Variants in METTL26 observed in about 807,000 individuals in gnomAD.
METTL26 encodes methyltransferase-like 26.
Under a neutral mutation model 24.7 loss-of-function variants are expected in METTL26, and 28 were observed. The observed-to-expected ratio is 1.13, with a 90% confidence interval of 0.84 to 1.55. The LOEUF is 1.55. Among genes scored for constraint, METTL26 ranks in the 40% most tolerant of loss-of-function variants. METTL26 has a pLI of 0.00. For synonymous variants in METTL26, 165 were observed against 125.2 expected (o/e 1.32, Z -2.12); for missense variants, 344 against 281.2 (o/e 1.22, Z -1.60).
Position 634,736 on chromosome 16 carries a change from G to A in METTL26, c.550C>T (p.Leu184=), listed in dbSNP as rs2037038894. Residue 184 remains leucine, a synonymous_variant, in exon 5 of 6, where the codon CTG becomes TTG. Coordinates refer to ENST00000301686, the MANE Select transcript of METTL26 (RefSeq NM_032366.5). The stretch of plus-strand genomic sequence containing the variant: ...CCACCTACCATCCTCTCCAGGAGCA[G>A]GCCACTGGCCTTTCCCAGGTCCTCC... ...LLEDLGKASG[L]LLERMVDMPA... 5 of 1,612,818 alleles carry A rather than the reference G, an allele frequency of 3.1e-6. No individual in the cohort carries two copies. Among genetic ancestry groups the A allele is most frequent in the Non-Finnish European group, 3.4e-6 (4 of 1,179,924 alleles).
At position 635,262 on chromosome 16, in the gene METTL26, C is replaced by T. The variant is rs766413878; in HGVS notation, c.420+19G>A. ...CTAGGACTGGGAGCGGGAGGCCCGC[C>T]GTGGACAGGCCCACTCACCCCGTAG... On this transcript the variant is annotated intron_variant, in intron 3 of 5. Coordinates refer to ENST00000301686, the MANE Select transcript of METTL26 (RefSeq NM_032366.5). 2.3e-5 allele frequency: 36 copies of T among 1,564,016 alleles called. No homozygotes were observed. The South Asian group carries it at 2.3e-4, about 10-fold the overall frequency.
At position 636,104 on chromosome 16, in the gene METTL26, A is replaced by G. The variant is rs1315436648; in HGVS notation, c.187T>C (p.Cys63Arg). 7.1e-7 allele frequency: 1 copy of G among 1,403,640 alleles called. No homozygotes were observed. The highest frequency in any genetic ancestry group is 2.9e-5 in the East Asian group (1 of 35,068). The allele number at this position is 1,403,640 out of a possible 1,614,324, so 86.9% of individuals were successfully genotyped here. A position where few individuals can be genotyped will look rare whatever the true frequency, so the allele number is the denominator to read the frequency against. ...EWQPSDVDQR[C>R]LDSIAATTQA... ...CCCCGGGGGCCGCACCTGTCCAGGC[A>G]GCGCTGGTCCACGTCCGACGGCTGC... Residue 63 changes from cysteine to arginine, a missense_variant, in exon 1 of 6, where the codon TGC (cysteine) becomes CGC (arginine). Cys to Arg is a radical substitution (Grantham distance 180). Coordinates refer to ENST00000301686, the MANE Select transcript of METTL26 (RefSeq NM_032366.5).
rs1260287110 is a variant in METTL26 at position 634,714 on chromosome 16, C to T, written c.567+5G>A. On this transcript the variant is annotated splice_donor_5th_base_variant and intron_variant, in intron 5 of 5. Coordinates refer to ENST00000301686, the MANE Select transcript of METTL26 (RefSeq NM_032366.5). ...GGTTGCCTGGGCCCCCGCTCCCCCA[C>T]CTACCATCCTCTCCAGGAGCAGGCC... The T allele has an allele frequency of 4.3e-6, 7 of 1,612,796 alleles. No individual in the cohort carries two copies. The highest frequency in any genetic ancestry group is 2.2e-5 in the East Asian group (1 of 44,902).
At chr16:635,119 G>T in intron 3 of METTL26, 162 bp downstream of exon 3, 1 of 1,490,814 alleles carries the variant, frequency 6.7e-7, no homozygotes, top group Non-Finnish European at 8.9e-7. Context: ...GGGTAGGGAG[G>T]CTGGCAGATG....
rs1019530844 is a variant in METTL26 at position 636,228 on chromosome 16, G to C, written c.63C>G (p.Tyr21Ter). ...KDPILHVLRQYLDPAQRGVRV... is the reference protein window; with the variant it reads ...KDPILHVLRQ Reference sequence around the variant, plus strand: ...GGACGCCACGCTGGGCCGGATCCAGGTACTGCCGCAGCACGTGCAAGATGG... The same window carrying C: ...GGACGCCACGCTGGGCCGGATCCAGCTACTGCCGCAGCACGTGCAAGATGG... The change falls in exon 1 of 6, where the codon TAC becomes TAG. Residue 21 changes from tyrosine (Y) to a stop codon, truncating the protein, a stop_gained. Coordinates refer to ENST00000301686, the MANE Select transcript of METTL26 (RefSeq NM_032366.5). LOFTEE classifies it high-confidence loss of function. 39 of 1,492,264 alleles carry C rather than the reference G, an allele frequency of 2.6e-5. No individual in the cohort carries two copies. Among genetic ancestry groups the C allele is most frequent in the Non-Finnish European group, 3.4e-5 (38 of 1,127,326 alleles). 92.4% of individuals were successfully genotyped at this position (1,492,264 alleles called of 1,614,324 possible).
Position 634,807 on chromosome 16 carries a change from G to A in METTL26, c.489-10C>T, listed in dbSNP as rs200345361. On this transcript the variant is annotated splice_polypyrimidine_tract_variant and intron_variant, in intron 4 of 5. Coordinates refer to ENST00000301686, the MANE Select transcript of METTL26 (RefSeq NM_032366.5). ...CCCCCATTCTGGGTTCCTGCAGAGG[G>A]TGGGGAGATGGAGTCATGGCCTGGG... 315 of 1,605,948 alleles carry A rather than the reference G, an allele frequency of 2.0e-4. 1 individual carries two copies. In the African/African-American group the frequency reaches 3.9e-3, roughly 20 times the overall value.
chr16:635,699 C>A lies in METTL26; in HGVS notation c.273G>T (p.Trp91Cys). The A allele has an allele frequency of 6.4e-7, 1 of 1,564,102 alleles. No homozygotes were observed. The highest frequency in any genetic ancestry group is 1.2e-5 in the South Asian group (1 of 85,022). ...APLHLDVTWG[W>C]EHWGGILPQS... Reference sequence around the variant, plus strand: ...GTGGCAGGATCCCGCCCCAGTGCTCCCAGCCCCACGTCACGTCCAGGTGTA... The same window carrying A: ...GTGGCAGGATCCCGCCCCAGTGCTCACAGCCCCACGTCACGTCCAGGTGTA... The change falls in exon 2 of 6, where the codon TGG becomes TGT. Residue 91 changes from tryptophan to cysteine, a missense_variant. By Grantham distance (215) the Trp-to-Cys change is radical. Transcript: ENST00000301686.
At chr16:634,854 C>A in intron 4 of METTL26, 35 bp downstream of exon 4, 1 of 1,570,902 alleles carries the variant, frequency 6.4e-7, no homozygotes, top group Admixed American at 1.8e-5. Context: ...AAGCCACCTG[C>A]CACCTGAGCC....
intron 4 of METTL26, 46 bp from the exon 5 acceptor site, chr16:634,843 C>CAAGCCACCTGCCACCT: frequency 3.2e-6 from 5 of 1,581,310 alleles, no homozygotes; most frequent in Non-Finnish European, 4.3e-6. Flanking sequence ...GGGTGCCACC[C>CAAGCCACCTGCCACCT]AAGCCACCTG....
chr16:635,856 G>A, intron 1 of METTL26, 82 bp from the exon 2 acceptor site: 1 of 1,454,920 alleles, frequency 6.9e-7, no homozygotes. Flanking sequence ...CTTAGGGGAG[G>A]CTGGGGGGCA....
At chr16:635,215 T>C (rs1176354692) in intron 3 of METTL26, 66 bp downstream of exon 3, 3 of 1,508,908 alleles carry the variant, frequency 2.0e-6, no homozygotes. Flanking sequence ...GGGAGGACTC[T>C]CAGCAGGGCA....
At position 635,786 on chromosome 16, in the gene METTL26, G is replaced by C. The variant is rs764599731; in HGVS notation, c.198-12C>G. ...TGGTGGCCGCGATGCTGCAGGAGGCGAACGCTTGGGTGGGGGCCGAGTCCT... is the reference window on the plus strand; with the variant it reads ...TGGTGGCCGCGATGCTGCAGGAGGCCAACGCTTGGGTGGGGGCCGAGTCCT... On this transcript the variant is annotated splice_polypyrimidine_tract_variant and intron_variant, in intron 1 of 5. Transcript: ENST00000301686. The C allele has an allele frequency of 2.6e-6, 4 of 1,554,240 alleles. No homozygotes were observed. The South Asian group carries it at 3.5e-5, about 14-fold the overall frequency.
chr16:634,443 A>G lies in METTL26; in HGVS notation c.*154T>C, dbSNP rs1444105922. ...GACACCAGCAAGCCGGCAGCAGGACATGCTTTATTCTGAGCAGGCTGGGCC... is the reference window on the plus strand; with the variant it reads ...GACACCAGCAAGCCGGCAGCAGGACGTGCTTTATTCTGAGCAGGCTGGGCC... On this transcript the variant is annotated 3_prime_UTR_variant, in exon 6 of 6. Coordinates refer to ENST00000301686, the MANE Select transcript of METTL26 (RefSeq NM_032366.5). 15 of 1,435,528 alleles carry G rather than the reference A, an allele frequency of 1.0e-5. No homozygotes were observed. Among genetic ancestry groups the G allele is most frequent in the South Asian group, 7.0e-5 (6 of 86,294 alleles). The allele number at this position is 1,435,528 out of a possible 1,614,324, so 88.9% of individuals were successfully genotyped here. A position where few individuals can be genotyped will look rare whatever the true frequency, so the allele number is the denominator to read the frequency against.
rs771401205 is a variant in METTL26, at chr16:636,298, GCAA to G, written c.-11_-9del. Reference sequence around the variant, plus strand: ...GGCCGCCGCCACCAGCATCGCGGCAGCAACAACTCCCCGCCGCGGACGCGGCGC... The same window carrying G: ...GGCCGCCGCCACCAGCATCGCGGCAGCAACTCCCCGCCGCGGACGCGGCGC... On this transcript the variant is annotated 5_prime_UTR_variant, in exon 1 of 6. Transcript: ENST00000301686. 3.5e-6 allele frequency: 5 copies of G among 1,423,868 alleles called. No homozygotes were observed. The highest frequency in any genetic ancestry group is 3.0e-5 in the East Asian group (1 of 32,966). The allele number at this position is 1,423,868 out of a possible 1,614,324, so 88.2% of individuals were successfully genotyped here.
chr16:636,038 G>T, intron 1 of METTL26, 56 bp downstream of exon 1: 2 of 1,436,738 alleles, frequency 1.4e-6, no homozygotes, highest in Non-Finnish European at 1.8e-6. Context: ...CGGGCCGTGG[G>T]CTCTTGAGGC....
Position 634,734 on chromosome 16 carries a change from C to T in METTL26, c.552G>A (p.Leu184=). Reference sequence around the variant, plus strand: ...CCCCACCTACCATCCTCTCCAGGAGCAGGCCACTGGCCTTTCCCAGGTCCT... The same window carrying T: ...CCCCACCTACCATCCTCTCCAGGAGTAGGCCACTGGCCTTTCCCAGGTCCT... ...LLEDLGKASG[L]LLERMVDMPA... is the part of the protein sequence containing the mutation. Residue 184 remains leucine (L), a synonymous_variant, in exon 5 of 6, where the codon CTG becomes CTA. Transcript: ENST00000301686. The T allele has an allele frequency of 1.2e-6, 2 of 1,612,848 alleles. No individual in the cohort carries two copies. Among genetic ancestry groups the T allele is most frequent in the South Asian group, 1.1e-5 (1 of 91,072 alleles).
intron 4 of METTL26, 29 bp from the exon 5 acceptor site, chr16:634,826 G>C: frequency 6.3e-7 from 1 of 1,594,480 alleles, no homozygotes; most frequent in Non-Finnish European, 8.5e-7. Flanking sequence ...TGGAGTCATG[G>C]CCTGGGGGGT....
In METTL26 at chr16:634,662, T is replaced by C; in HGVS notation, c.568-18A>G. ...ATGTCCACCTGGAGAAACACTTTGC[T>C]GGAGGACGGCCCTCAACCCCTAGAG... On this transcript the variant is annotated intron_variant, in intron 5 of 5. Coordinates refer to ENST00000301686, the MANE Select transcript of METTL26 (RefSeq NM_032366.5). 1.2e-6 allele frequency: 2 copies of C among 1,613,116 alleles called. No homozygotes were observed. Among genetic ancestry groups the C allele is most frequent in the South Asian group, 2.2e-5 (2 of 91,090 alleles).
chr16:635,820 G>A (rs780001960), intron 1 of METTL26, 46 bp from the exon 2 acceptor site: 6 of 1,497,570 alleles, frequency 4.0e-6, no homozygotes, highest in East Asian at 2.4e-5. Flanking sequence ...CTGTGCACCC[G>A]CCTTTCCGAC....
Sources: gnomAD v4.1 joint callset for allele counts on GRCh38, gnomAD v4.1.1 for gene constraint, MANE v1.5 for transcripts, NCBI Gene and HGNC (gene_info 2026-07-23, HGNC 2026-07-21) for gene names.